Variants in SLC44A2 observed in about 807,000 individuals in gnomAD.
SLC44A2 encodes the protein solute carrier family 44 member 2 (CTL2 blood group), also known as choline transporter-like protein 2.
SLC44A2 carries 57 observed loss-of-function variants against 90.8 expected under a neutral mutation model. That is an observed-to-expected ratio of 0.63 (90% CI 0.51 to 0.78). The LOEUF is 0.78. Among genes scored for constraint, SLC44A2 ranks in the 30% least tolerant of loss-of-function variants. SLC44A2 has a pLI of 0.00. For synonymous variants in SLC44A2, 355 were observed against 360.7 expected (o/e 0.98, Z 0.18); for missense variants, 794 against 919.7 (o/e 0.86, Z 1.77).
Position 10,631,255 on chromosome 19 carries a change from C to G in SLC44A2, c.331-20C>G. 1.9e-6 allele frequency: 3 copies of G among 1,613,186 alleles called. No homozygotes were observed. Among genetic ancestry groups the G allele is most frequent in the Non-Finnish European group, 2.5e-6 (3 of 1,179,174 alleles). The stretch of plus-strand genomic sequence containing the variant: ...CAGTCTGCCCCAACTCCACCCAATC[C>G]CTTCCTTCTCCCCTCCCAGATCTGC... On this transcript the variant is annotated intron_variant, in intron 5 of 21. Coordinates refer to ENST00000335757, the MANE Select transcript of SLC44A2 (RefSeq NM_020428.4).
At position 10,627,773 on chromosome 19, in the gene SLC44A2, C is replaced by G; in HGVS notation, c.138C>G (p.Gly46=). ...CCVFLLLAIV[G]YVAVGIIAWT... is the part of the protein sequence containing the mutation. ...TGTTCCTGCTCCTGGCCATTGTGGG[C>G]TACGTGGCTGTAGGCATCATAGGTG... Residue 46 remains glycine (G), a synonymous_variant, in exon 3 of 22, where the codon GGC becomes GGG. Transcript: ENST00000335757. 6.2e-7 allele frequency: 1 copy of G among 1,614,002 alleles called. No homozygotes were observed. Among genetic ancestry groups the G allele is most frequent in the Non-Finnish European group, 8.5e-7 (1 of 1,180,014 alleles).
Position 10,638,276 on chromosome 19 carries a change from T to C in SLC44A2, c.1890T>C (p.Asp630=). The part of the protein sequence containing the change: ...FFTHRIRIVQ[D]TAPPLNYYWV... ...CCCACCGTATCAGGATCGTGCAGGA[T>C]ACAGCACCACCCCTCAATTATTACT... Residue 630 remains aspartate, a synonymous_variant, in exon 20 of 22, where the codon GAT becomes GAC. Coordinates refer to ENST00000335757, the MANE Select transcript of SLC44A2 (RefSeq NM_020428.4). The C allele has an allele frequency of 6.2e-7, 1 of 1,614,110 alleles. No individual in the cohort carries two copies. The highest frequency in any genetic ancestry group is 8.5e-7 in the Non-Finnish European group (1 of 1,180,022).
rs182723735 is a variant in SLC44A2 at position 10,628,107 on chromosome 19, G to T, written c.245+103G>T. 1.7e-5 allele frequency: 19 copies of T among 1,087,300 alleles called. No homozygotes were observed. In the Admixed American group the frequency reaches 2.3e-4, roughly 13 times the overall value. 67.4% of individuals were successfully genotyped at this position (1,087,300 alleles called of 1,614,324 possible). On this transcript the variant is annotated intron_variant, in intron 4 of 21. Coordinates refer to ENST00000335757, the MANE Select transcript of SLC44A2 (RefSeq NM_020428.4). ...TCCAGTTAACAAGTGCTTATAGGCTGGGCGCGGTGACTCACGCCCGAAATT... is the reference window on the plus strand; with the variant it reads ...TCCAGTTAACAAGTGCTTATAGGCTTGGCGCGGTGACTCACGCCCGAAATT...
At chr19:10,623,881 G>A (rs936141469), upstream of SLC44A2, among the ~76,000 whole-genome samples, 2 of 151,774 alleles carry the variant, frequency 1.3e-5, no homozygotes, top group Admixed American at 6.6e-5. Context: ...GTACAGACAG[G>A]GTTTTGCCTT....
chr19:10,610,926 C>T (rs777909752), intron 1 of SLC44A2, among the ~76,000 whole-genome samples: 8 of 151,714 alleles, frequency 5.3e-5, no homozygotes, highest in Non-Finnish European at 1.0e-4. Context: ...AGTTGTGAGC[C>T]ACCGCGCCCC....
rs148958474 is a variant in SLC44A2, at chr19:10,642,376, G to A, written c.1939G>A (p.Val647Ile). ...GTTTCTCCTTGCCCAGACGGTGATC[G>A]TTGGCTCCTACTTGATTGCACACGG... ...YYWVPILTVI[V>I]GSYLIAHGFF... Residue 647 changes from valine (V) to isoleucine (I), a missense_variant, in exon 21 of 22, where the codon GTT becomes ATT. Transcript: ENST00000335757. 1.3e-5 allele frequency: 21 copies of A among 1,614,084 alleles called. No homozygotes were observed. In the African/African-American group the frequency reaches 1.3e-4, roughly 10 times the overall value.
chr19:10,621,768 A>G (rs2066896622), upstream of SLC44A2, among the ~76,000 whole-genome samples: 2 of 151,952 alleles, frequency 1.3e-5, no homozygotes, highest in South Asian at 4.1e-4. Context: ...ACAGGCATGC[A>G]CCACCTCGCC....
At chr19:10,621,457 T>C (rs1254049526), upstream of SLC44A2, among the ~76,000 whole-genome samples, 1 of 148,420 alleles carries the variant, frequency 6.7e-6, no homozygotes, top group Non-Finnish European at 1.5e-5. Context: ...TTGTGGGTTT[T>C]CTTTTAGATG....
chr19:10,635,864 C>G (rs909785953), intron 14 of SLC44A2: 1 of 246,836 alleles, frequency 4.1e-6, no homozygotes, highest in Non-Finnish European at 7.9e-6. Context: ...CTGCAACTTC[C>G]AACTCCCTGG....
exon 1 of SLC44A2, chr19:10,602,552 G>A (rs1917990469): frequency 2.3e-6 from 3 of 1,277,326 alleles, no homozygotes; most frequent in Admixed American, 4.0e-5. Flanking sequence ...GCGGAAAAAC[G>A]GAGCCTACGG....
chr19:10,617,952 C>A (rs1228060183), intron 1 of SLC44A2, among the ~76,000 whole-genome samples: 1 of 152,116 alleles, frequency 6.6e-6, no homozygotes, highest in Admixed American at 6.6e-5. Flanking sequence ...CTTATGCTTT[C>A]CCTTCATACT....
chr19:10,607,550 C>T (rs979827085), intron 1 of SLC44A2, among the ~76,000 whole-genome samples: 3 of 144,600 alleles, frequency 2.1e-5, no homozygotes, highest in African/African-American at 7.7e-5. Flanking sequence ...GAGGCAGGGT[C>T]TCACCATGTT....
In SLC44A2 at chr19:10,643,422, C is replaced by A; in HGVS notation, c.*37C>A. On this transcript the variant is annotated 3_prime_UTR_variant, in exon 22 of 22. Coordinates refer to ENST00000335757, the MANE Select transcript of SLC44A2 (RefSeq NM_020428.4). ...TCCCCACCTCTCAAGGAGTCTCATG[C>A]CGCAGGGTGCTCAGTAGCTGGGTCT... The A allele has an allele frequency of 6.3e-7, 1 of 1,582,458 alleles. No individual in the cohort carries two copies. The highest frequency in any genetic ancestry group is 1.3e-5 in the African/African-American group (1 of 74,154).
At chr19:10,629,956 C>T (rs572733181) in intron 4 of SLC44A2, among the ~76,000 whole-genome samples, 4 of 150,138 alleles carry the variant, frequency 2.7e-5, no homozygotes, top group African/African-American at 4.9e-5. Flanking sequence ...GGTTTCGCCA[C>T]GTTGGCCAGG....
chr19:10,635,297 T>C (rs2067042017), intron 13 of SLC44A2, 42 bp downstream of exon 13: 1 of 1,611,310 alleles, frequency 6.2e-7, no homozygotes, highest in Admixed American at 1.7e-5. Context: ...CAGGGATGGC[T>C]AAAGACCAAC....
chr19:10,632,119 G>T lies in SLC44A2; in HGVS notation c.786G>T (p.Trp262Cys). Residue 262 changes from tryptophan to cysteine, a missense_variant, in exon 10 of 22, where the codon TGG becomes TGT. Coordinates refer to ENST00000335757, the MANE Select transcript of SLC44A2 (RefSeq NM_020428.4). ...LLRFLAGIMV[W>C]VMIIMVILVL... ...GCTTCCTGGCTGGTATTATGGTCTG[G>T]GTGATGATCATCATGGTGATTCTGG... The T allele has an allele frequency of 6.2e-7, 1 of 1,614,066 alleles. No homozygotes were observed. The highest frequency in any genetic ancestry group is 8.5e-7 in the Non-Finnish European group (1 of 1,180,024).
chr19:10,602,740 G>A (rs1917996535), intron 1 of SLC44A2, among the ~76,000 whole-genome samples: 2 of 152,134 alleles, frequency 1.3e-5, no homozygotes, highest in South Asian at 4.1e-4. Flanking sequence ...GGGTCGCCCC[G>A]CGTCCCCTCC....
At chr19:10,624,332 C>T (rs1211411583), upstream of SLC44A2, among the ~76,000 whole-genome samples, 1 of 151,910 alleles carries the variant, frequency 6.6e-6, no homozygotes, top group African/African-American at 2.4e-5. Flanking sequence ...GAGACAGAGT[C>T]TCACTCTGTC....
At chr19:10,638,384 G>T in intron 20 of SLC44A2, 69 bp downstream of exon 20, 2 of 1,407,790 alleles carry the variant, frequency 1.4e-6, no homozygotes, top group Admixed American at 1.7e-5. Context: ...GGTCTTCTTT[G>T]ACTAGATAAA....
Sources: allele counts gnomAD v4.1 joint callset (sites outside exome capture counted in the v4.1 genomes callset), GRCh38; gene constraint gnomAD v4.1.1; transcripts MANE v1.5; gene names NCBI Gene and HGNC (gene_info 2026-07-23, HGNC 2026-07-21).